The following LRRC4B variants were observed in gnomAD, a reference collection of about 807,000 sequenced individuals.
LRRC4B encodes the protein leucine-rich repeat-containing protein 4B.
Under a neutral mutation model 7.3 loss-of-function variants are expected in LRRC4B, and 1 was observed. The observed-to-expected ratio is 0.14, with a 90% confidence interval of 0.05 to 0.65. LRRC4B has a LOEUF of 0.65. LRRC4B is among the 30% of genes least tolerant of loss of function. LRRC4B has a pLI of 0.84. For missense variants in LRRC4B, 730 were observed against 1,041.6 expected (o/e 0.70, Z 4.12); for synonymous variants, 500 against 499.2 (o/e 1.00, Z -0.02).
chr19:50,536,672 C>T (rs77987664), intron 2 of LRRC4B, among the ~76,000 whole-genome samples: 5 of 152,164 alleles, frequency 3.3e-5, no homozygotes, highest in Non-Finnish European at 5.9e-5. Context: ...AGACTCGCCA[C>T]GGGGTGGTGA....
rs1315093846 is a variant in LRRC4B at position 50,537,270 on chromosome 19, T to C, written c.297+11272A>G. Among the ~76,000 whole-genome samples, 1 of 152,210 alleles carries C rather than the reference T, an allele frequency of 6.6e-6. No individual in the cohort carries two copies. Among genetic ancestry groups the C allele is most frequent in the Non-Finnish European group, 1.5e-5 (1 of 68,032 alleles). The stretch of plus-strand genomic sequence containing the variant: ...CCGTTTGCAAGTGTCTTAACTCTCC[T>C]ATGCCTCAGTTTCCTCATCTGTAAC... On this transcript the variant is annotated intron_variant, in intron 2 of 2. Transcript: ENST00000652263. The surrounding 1 kb of genome is among the most constrained non-coding windows in gnomAD (Gnocchi z 5.5).
chr19:50,543,251 A>G (rs770361639), intron 2 of LRRC4B, among the ~76,000 whole-genome samples: 1 of 152,068 alleles, frequency 6.6e-6, no homozygotes, highest in African/African-American at 2.4e-5. Flanking sequence ...GGGACAGATG[A>G]CAACCAAGGC....
At chr19:50,523,761 C>T (rs182319860) in intron 2 of LRRC4B, among the ~76,000 whole-genome samples, 1 of 152,200 alleles carries the variant, frequency 6.6e-6, no homozygotes, top group Admixed American at 6.6e-5. Context: ...ATTTCGAGAC[C>T]AGCTTGGCCA....
intron 1 of LRRC4B, among the ~76,000 whole-genome samples, chr19:50,567,328 G>A (rs1982662310): frequency 1.3e-5 from 2 of 151,756 alleles, no homozygotes; most frequent in Non-Finnish European, 2.9e-5. Flanking sequence ...GACCCCAGAG[G>A]GAGAAGGGCT....
At chr19:50,557,283 C>CG in intron 1 of LRRC4B, among the ~76,000 whole-genome samples, 1 of 152,196 alleles carries the variant, frequency 6.6e-6, no homozygotes, top group Non-Finnish European at 1.5e-5. Flanking sequence ...GAAGCAGTTA[C>CG]GGGGAGAAGA....
chr19:50,533,368 C>T lies in LRRC4B; in HGVS notation c.298-13953G>A, dbSNP rs559904892. ...GTGGTTACCCTTAAAATTTAACATG[C>T]ATACCTAAAGACCAAAGCCAGTTAA... On this transcript the variant is annotated intron_variant, in intron 2 of 2. Coordinates refer to ENST00000652263, the MANE Select transcript of LRRC4B (RefSeq NM_001080457.2). Among the ~76,000 whole-genome samples, 11 of 152,248 alleles carry T rather than the reference C, an allele frequency of 7.2e-5. No homozygotes were observed. In the South Asian group the frequency reaches 1.9e-3, roughly 26 times the overall value.
chr19:50,551,552 G>A (rs1260776410), intron 1 of LRRC4B, among the ~76,000 whole-genome samples: 8 of 116,420 alleles, frequency 6.9e-5, no homozygotes, highest in Admixed American at 3.9e-4. Flanking sequence ...GCCCCTCTCG[G>A]TCCTCCCCCT....
At chr19:50,542,577 A>T (rs148248926) in intron 2 of LRRC4B, among the ~76,000 whole-genome samples, 1 of 150,720 alleles carries the variant, frequency 6.6e-6, no homozygotes, top group Non-Finnish European at 1.5e-5. Flanking sequence ...CCTGGGTTCA[A>T]GCTATTCTCC....
At chr19:50,557,271 G>A (rs1443415498) in intron 1 of LRRC4B, among the ~76,000 whole-genome samples, 6 of 152,290 alleles carry the variant, frequency 3.9e-5, no homozygotes, top group Non-Finnish European at 8.8e-5. Flanking sequence ...GATGTGGGGC[G>A]GGAAGCAGTT....
chr19:50,544,471 C>T (rs2122878707), intron 2 of LRRC4B, among the ~76,000 whole-genome samples: 1 of 150,920 alleles, frequency 6.6e-6, no homozygotes, highest in African/African-American at 2.4e-5. Flanking sequence ...CACGCCACTG[C>T]ACTCCAGCCT....
intron 2 of LRRC4B, among the ~76,000 whole-genome samples, chr19:50,526,856 C>CT (rs34995756): frequency 0.14 from 18,771 of 138,410 alleles, 1,711 homozygotes; most frequent in East Asian, 0.43. Flanking sequence ...TTATCTTTTA[C>CT]TTTTTTTTTT....
At position 50,556,643 on chromosome 19, in the gene LRRC4B, G is replaced by A. The variant is rs1397655026; in HGVS notation, c.-35-7770C>T. Among the ~76,000 whole-genome samples the A allele has an allele frequency of 6.6e-6, 1 of 152,202 alleles. No individual in the cohort carries two copies. The highest frequency in any genetic ancestry group is 2.4e-5 in the African/African-American group (1 of 41,458). Reference sequence around the variant, plus strand: ...TTCATTGCCTGCCTTCCTGCTAAGAGGGGAGCCCCTGAGGGCTTTGCCGCG... The same window carrying A: ...TTCATTGCCTGCCTTCCTGCTAAGAAGGGAGCCCCTGAGGGCTTTGCCGCG... On this transcript the variant is annotated intron_variant, in intron 1 of 2. Coordinates refer to ENST00000652263, the MANE Select transcript of LRRC4B (RefSeq NM_001080457.2). This position sits in a 1 kb window ranked among gnomAD's most constrained non-coding sequence, Gnocchi z 4.2.
chr19:50,535,851 C>A (rs772623225), intron 2 of LRRC4B, among the ~76,000 whole-genome samples: 3 of 152,188 alleles, frequency 2.0e-5, no homozygotes, highest in Non-Finnish European at 2.9e-5. Context: ...GGATGGCTAC[C>A]CGCCTCCCAC....
rs893526452 is a variant in LRRC4B at position 50,553,029 on chromosome 19, T to G, written c.-35-4156A>C. ...CACTGTGAAACAGGGATAATGGGAG[T>G]ATCTGCCTCCTAGGGCCACTGTGGG... On this transcript the variant is annotated intron_variant, in intron 1 of 2. Coordinates refer to ENST00000652263, the MANE Select transcript of LRRC4B (RefSeq NM_001080457.2). This position sits in a 1 kb window ranked among gnomAD's most constrained non-coding sequence, Gnocchi z 4.2. Among the ~76,000 whole-genome samples the G allele has an allele frequency of 6.6e-6, 1 of 152,008 alleles. No homozygotes were observed. The highest frequency in any genetic ancestry group is 2.4e-5 in the African/African-American group (1 of 41,378).
At position 50,553,712 on chromosome 19, in the gene LRRC4B, G is replaced by T. The variant is rs182708055; in HGVS notation, c.-35-4839C>A. On this transcript the variant is annotated intron_variant, in intron 1 of 2. Transcript: ENST00000652263. The surrounding 1 kb of genome is among the most constrained non-coding windows in gnomAD (Gnocchi z 4.2). The stretch of plus-strand genomic sequence containing the variant: ...CCGTGCGCTTGAAGGCAAGTTTCCC[G>T]AGGGCAGTCAGTTTGTGACTATTTG... Among the ~76,000 whole-genome samples the T allele has an allele frequency of 6.6e-6, 1 of 152,266 alleles. No individual in the cohort carries two copies.
chr19:50,552,018 A>G (rs1276471520), intron 1 of LRRC4B, among the ~76,000 whole-genome samples: 1 of 151,944 alleles, frequency 6.6e-6, no homozygotes, highest in African/African-American at 2.4e-5. Flanking sequence ...GGTTCTGGGC[A>G]GCCGAGGAGG....
chr19:50,544,350 C>CA (rs1440996587), intron 2 of LRRC4B, among the ~76,000 whole-genome samples: 4 of 148,070 alleles, frequency 2.7e-5, no homozygotes, highest in Non-Finnish European at 1.5e-5. Context: ...ACTAAAAATA[C>CA]AAAAAAATTA....
At chr19:50,530,939 G>GA (rs1981032137) in intron 2 of LRRC4B, among the ~76,000 whole-genome samples, 1 of 148,614 alleles carries the variant, frequency 6.7e-6, no homozygotes, top group African/African-American at 2.5e-5. Flanking sequence ...GGGGGGGGGG[G>GA]GTCTCTCTAT....
intron 2 of LRRC4B, among the ~76,000 whole-genome samples, chr19:50,538,561 T>C (rs1415836188): frequency 8.1e-5 from 1 of 12,316 alleles, no homozygotes; most frequent in Admixed American, 1.1e-3. Context: ...TTTGTCTTGT[T>C]TTTTTTTTTT....
Sources: allele counts gnomAD v4.1 joint callset (sites outside exome capture counted in the v4.1 genomes callset), GRCh38; gene constraint gnomAD v4.1.1; non-coding constraint Gnocchi (gnomAD v3.1); transcripts MANE v1.5; gene names NCBI Gene and HGNC (gene_info 2026-07-23, HGNC 2026-07-21).